PLD5: variants seen among roughly 807,000 people sequenced by gnomAD.
PLD5 encodes the protein inactive phospholipase D5.
In PLD5, 36 loss-of-function variants were observed where a neutral mutation model predicts 61.1. The observed-to-expected ratio is 0.59, with a 90% CI of 0.45 to 0.78. The LOEUF (loss-of-function observed/expected upper bound fraction) is 0.78. Ranked by LOEUF, PLD5 falls within the 30% of genes least tolerant of loss-of-function variation. The pLI is 0.00. For synonymous variants in PLD5, 243 were observed against 242.8 expected (o/e 1.00, Z -0.01); for missense variants, 515 against 644.4 (o/e 0.80, Z 2.17).
chr1:242,209,572 A>G (rs375848367), intron 5 of PLD5, among the ~76,000 whole-genome samples: 3 of 152,302 alleles, frequency 2.0e-5, no homozygotes, highest in African/African-American at 7.2e-5. Context: ...TGATGTTACT[A>G]TGGCAACAGC....
intron 5 of PLD5, among the ~76,000 whole-genome samples, chr1:242,187,278 T>C (rs1196175389): frequency 1.3e-5 from 2 of 152,198 alleles, no homozygotes; most frequent in Non-Finnish European, 2.9e-5. Flanking sequence ...ATGAGAGACC[T>C]ATGGGGTTTT....
At chr1:242,465,791 A>T (rs113385860) in intron 1 of PLD5, among the ~76,000 whole-genome samples, 1 of 152,176 alleles carries the variant, frequency 6.6e-6, no homozygotes, top group East Asian at 1.9e-4. Context: ...TTAGCCAGGC[A>T]TGGTGGCGGA....
intron 2 of PLD5, among the ~76,000 whole-genome samples, chr1:242,338,217 C>T (rs978044750): frequency 2.6e-5 from 4 of 152,108 alleles, no homozygotes; most frequent in African/African-American, 4.8e-5. Flanking sequence ...GAATACCCAT[C>T]AGACACATCA....
chr1:242,260,702 C>T (rs1443219030), intron 4 of PLD5, among the ~76,000 whole-genome samples: 2 of 152,066 alleles, frequency 1.3e-5, no homozygotes, highest in Non-Finnish European at 2.9e-5. Flanking sequence ...TGAAATCATA[C>T]CAAGTATATT....
intron 5 of PLD5, among the ~76,000 whole-genome samples, chr1:242,207,884 A>ATATATATAT (rs1307193976): frequency 3.5e-5 from 1 of 28,622 alleles, no homozygotes; most frequent in Non-Finnish European, 5.9e-5. Context: ...ATATTTATAT[A>ATATATATAT]TTTATATATA....
At chr1:242,476,219 G>A (rs569022787) in intron 1 of PLD5, among the ~76,000 whole-genome samples, 1 of 152,212 alleles carries the variant, frequency 6.6e-6, no homozygotes, top group South Asian at 2.1e-4. Flanking sequence ...GCCAGACATG[G>A]TGGTGCATGC....
intron 1 of PLD5, among the ~76,000 whole-genome samples, chr1:242,355,203 A>C (rs949448936): frequency 6.6e-5 from 10 of 152,196 alleles, no homozygotes; most frequent in Non-Finnish European, 1.3e-4. Context: ...AATTGGTAAT[A>C]GTTCTTTAAA....
intron 1 of PLD5, among the ~76,000 whole-genome samples, chr1:242,429,027 C>T (rs1486088516): frequency 1.3e-5 from 2 of 152,224 alleles, no homozygotes; most frequent in East Asian, 3.9e-4. Flanking sequence ...GGCTGGATGA[C>T]ATTTCACAGT....
chr1:242,236,513 T>A (rs753360688), intron 4 of PLD5, among the ~76,000 whole-genome samples: 6 of 152,042 alleles, frequency 3.9e-5, no homozygotes, highest in Non-Finnish European at 7.4e-5. Flanking sequence ...ATCTCCAGAA[T>A]GAATTACTTT....
At chr1:242,263,888 C>T (rs1673508877) in intron 4 of PLD5, among the ~76,000 whole-genome samples, 1 of 152,194 alleles carries the variant, frequency 6.6e-6, no homozygotes, top group Non-Finnish European at 1.5e-5. Flanking sequence ...TGTTAGGCTT[C>T]CTAATATCCC....
At chr1:242,134,014 T>C (rs2148767155) in intron 5 of PLD5, among the ~76,000 whole-genome samples, 1 of 152,338 alleles carries the variant, frequency 6.6e-6, no homozygotes, top group Non-Finnish European at 1.5e-5. Flanking sequence ...TAATGAGCAG[T>C]GAGGAAGTTG....
chr1:242,094,012 T>C lies in PLD5; in HGVS notation c.1355-3902A>G, dbSNP rs538783512. On this transcript the variant is annotated intron_variant, in intron 9 of 9. Transcript: ENST00000536534. ...TTCCACAGGCCGATAAAGGAATTCCTGCACCTTTGTGATCATGCTCTTCTA... is the reference window on the plus strand; with the variant it reads ...TTCCACAGGCCGATAAAGGAATTCCCGCACCTTTGTGATCATGCTCTTCTA... Among the ~76,000 whole-genome samples the C allele has an allele frequency of 5.9e-5, 9 of 152,300 alleles. No individual in the cohort carries two copies. The East Asian group carries it at 1.7e-3, about 29-fold the overall frequency.
At chr1:242,436,083 A>G (rs1665983868) in intron 1 of PLD5, among the ~76,000 whole-genome samples, 1 of 152,118 alleles carries the variant, frequency 6.6e-6, no homozygotes, top group Admixed American at 6.5e-5. Flanking sequence ...CCAAATCCCC[A>G]GTGCAAATGA....
chr1:242,206,558 A>G (rs1199457621), intron 5 of PLD5, among the ~76,000 whole-genome samples: 1 of 152,258 alleles, frequency 6.6e-6, no homozygotes, highest in African/African-American at 2.4e-5. Flanking sequence ...GTTGACCAGA[A>G]TAGTCAATTA....
At chr1:242,339,985 T>A (rs144531576) in intron 2 of PLD5, among the ~76,000 whole-genome samples, 53 of 152,306 alleles carry the variant, frequency 3.5e-4, no homozygotes, top group African/African-American at 1.2e-3. Context: ...TTCTCTCTCC[T>A]CTTAGAGCTT....
At chr1:242,386,059 T>TTC (rs1488696734) in intron 1 of PLD5, among the ~76,000 whole-genome samples, 1 of 152,184 alleles carries the variant, frequency 6.6e-6, no homozygotes, top group Non-Finnish European at 1.5e-5. Context: ...GGTAGCCACC[T>TTC]TCTCCCTGTG....
chr1:242,090,200 AATC>A, intron 9 of PLD5, 90 bp from the exon 10 acceptor site: 1 of 1,490,138 alleles, frequency 6.7e-7, no homozygotes, highest in South Asian at 1.3e-5. Flanking sequence ...TTCTATTAAA[AATC>A]ATCAACATCC....
chr1:242,124,638 T>A lies in PLD5; in HGVS notation c.763A>T (p.Asn255Tyr), dbSNP rs759082075. The part of the protein sequence containing the change: ...QMKELGVIFY[N>Y]CSCLVLDLQR... Reference sequence around the variant, plus strand: ...AAATCTAGGACCAGGCAGCTGCAGTTGTAGAAGATGACACCGAGTTCTTTC... The same window carrying A: ...AAATCTAGGACCAGGCAGCTGCAGTAGTAGAAGATGACACCGAGTTCTTTC... Residue 255 changes from asparagine to tyrosine, a missense_variant, in exon 6 of 10, where the codon AAC becomes TAC. Around this residue, in one of 2 missense-constraint regions of PLD5, gnomAD observed 450 missense variants for 598.1 expected, o/e 0.75. Transcript: ENST00000536534. The A allele has an allele frequency of 1.9e-6, 3 of 1,613,712 alleles. No individual in the cohort carries two copies. Among genetic ancestry groups the A allele is most frequent in the African/African-American group, 2.7e-5 (2 of 74,912 alleles).
chr1:242,448,962 A>G (rs534318207), intron 1 of PLD5, among the ~76,000 whole-genome samples: 8 of 152,340 alleles, frequency 5.3e-5, no homozygotes, highest in Non-Finnish European at 2.9e-5. Context: ...TTTTACCGCC[A>G]CACAAACATA....
Sources: gnomAD v4.1 joint callset for allele counts (sites outside exome capture counted in the v4.1 genomes callset) on GRCh38, gnomAD v4.1.1 for gene constraint, gnomAD v4.1.1 regional missense constraint, MANE v1.5 for transcripts, NCBI Gene and HGNC (gene_info 2026-07-23, HGNC 2026-07-21) for gene names.